Variants in CMSS1 observed in about 807,000 individuals in gnomAD.
The protein encoded by CMSS1 is cms1 ribosomal small subunit homolog.
Under a neutral mutation model 43.5 loss-of-function variants are expected in CMSS1, and 33 were observed. That is an observed-to-expected ratio of 0.76 (90% confidence interval 0.57 to 1.01). The LOEUF (loss-of-function observed/expected upper bound fraction) is 1.01. Among genes scored for constraint, CMSS1 ranks in the 50% least tolerant of loss-of-function variants. The probability of loss-of-function intolerance (pLI) is 0.00; values close to 1 mark genes in which losing one functional copy is unlikely to be tolerated. For synonymous variants in CMSS1, 115 were observed against 117.2 expected (o/e 0.98, Z 0.12); for missense variants, 313 against 326.4 (o/e 0.96, Z 0.32).
rs267599511 is a variant in CMSS1 at position 100,172,391 on chromosome 3, C to T, written c.655C>T (p.Leu219Phe). 1 of 1,613,526 alleles carries T rather than the reference C, an allele frequency of 6.2e-7. No homozygotes were observed. Residue 219 changes from leucine to phenylalanine, a missense_variant, in exon 8 of 10, where the codon CTT becomes TTT. Coordinates refer to ENST00000421999, the MANE Select transcript of CMSS1 (RefSeq NM_032359.4). Reference protein sequence around the residue: ...GVGTPGRIKELVKQGGLNLSP... With the variant: ...GVGTPGRIKEFVKQGGLNLSP... The stretch of plus-strand genomic sequence containing the variant: ...AGGAACTCCGGGGAGAATTAAAGAA[C>T]TTGTTAAACAAGGTATGACAAGAGG...
At chr3:100,035,573 C>T (rs558348766) in intron 1 of CMSS1, among the ~76,000 whole-genome samples, 124 of 152,264 alleles carry the variant, frequency 8.1e-4, no homozygotes, top group Non-Finnish European at 1.6e-3. Flanking sequence ...GAATTATTTA[C>T]TTGAATTTTT....
chr3:99,909,365 T>A (rs1288000952), intron 1 of CMSS1, among the ~76,000 whole-genome samples: 1 of 152,218 alleles, frequency 6.6e-6, no homozygotes, highest in Non-Finnish European at 1.5e-5. Flanking sequence ...ATGTTTCATA[T>A]ATATCCATGT....
intron 7 of CMSS1, 105 bp from the exon 8 acceptor site, chr3:100,172,211 T>G: frequency 9.9e-7 from 1 of 1,006,602 alleles, no homozygotes; most frequent in Non-Finnish European, 1.5e-6. Context: ...GGTAGCTCCA[T>G]TTGTATTTCA....
At chr3:99,961,518 A>T (rs1382417276) in intron 1 of CMSS1, among the ~76,000 whole-genome samples, 1 of 152,172 alleles carries the variant, frequency 6.6e-6, no homozygotes, top group African/African-American at 2.4e-5. Flanking sequence ...TTGCCAGCCC[A>T]TGTGTGAACC....
intron 1 of CMSS1, among the ~76,000 whole-genome samples, chr3:99,984,388 G>A (rs372704447): frequency 7.0e-4 from 106 of 152,310 alleles, no homozygotes; most frequent in Middle Eastern, 6.8e-3. Context: ...GATAGATAAT[G>A]ACAGAGCAGA....
At chr3:100,088,321 A>C in intron 1 of CMSS1, among the ~76,000 whole-genome samples, 1 of 152,320 alleles carries the variant, frequency 6.6e-6, no homozygotes, top group East Asian at 1.9e-4. Flanking sequence ...ATAGGTTTTC[A>C]GTGTAACGCT....
At chr3:99,844,171 G>A (rs958906563) in intron 1 of CMSS1, among the ~76,000 whole-genome samples, 1 of 152,160 alleles carries the variant, frequency 6.6e-6, no homozygotes, top group African/African-American at 2.4e-5. Flanking sequence ...TGCTAGCCCA[G>A]AAAAAGATCA....
intron 1 of CMSS1, among the ~76,000 whole-genome samples, chr3:99,879,873 C>G (rs534165983): frequency 1.3e-5 from 2 of 152,280 alleles, no homozygotes; most frequent in East Asian, 3.9e-4. Context: ...GGAACAGACC[C>G]AGGATTGCAT....
At chr3:100,174,893 G>C (rs2067137129) in intron 8 of CMSS1, among the ~76,000 whole-genome samples, 1 of 152,140 alleles carries the variant, frequency 6.6e-6, no homozygotes, top group African/African-American at 2.4e-5. Context: ...AGTCACTTTA[G>C]AAGCAATCTC....
chr3:100,023,029 T>A (rs148976260), intron 1 of CMSS1, among the ~76,000 whole-genome samples: 1 of 152,244 alleles, frequency 6.6e-6, no homozygotes, highest in East Asian at 1.9e-4. Context: ...CACCTCTCCA[T>A]GAGTTTCAGG....
At chr3:99,867,388 G>A (rs546883974) in intron 1 of CMSS1, among the ~76,000 whole-genome samples, 18 of 152,238 alleles carry the variant, frequency 1.2e-4, no homozygotes, top group African/African-American at 4.3e-4. Flanking sequence ...TTTAAGAGAA[G>A]GCAAACTATC....
chr3:100,098,897 C>A (rs921177837), intron 1 of CMSS1, among the ~76,000 whole-genome samples: 1 of 152,114 alleles, frequency 6.6e-6, no homozygotes, highest in African/African-American at 2.4e-5. Context: ...TGATTCATTG[C>A]CTGGAACTAG....
At position 100,084,368 on chromosome 3, in the gene CMSS1, A is replaced by T. The variant is rs2065974941; in HGVS notation, c.65-62605A>T. 2.0e-5 allele frequency among the ~76,000 whole-genome samples: 3 copies of T among 152,174 alleles called. No individual in the cohort carries two copies. The South Asian group carries it at 6.2e-4, about 32-fold the overall frequency. Reference sequence around the variant, plus strand: ...AATATTTATAAGCTTAGGTCCATCAAACTAGTTAATTTGGACCTAAATATG... The same window carrying T: ...AATATTTATAAGCTTAGGTCCATCATACTAGTTAATTTGGACCTAAATATG... On this transcript the variant is annotated intron_variant, in intron 1 of 9. Coordinates refer to ENST00000421999, the MANE Select transcript of CMSS1 (RefSeq NM_032359.4).
At position 99,909,143 on chromosome 3, in the gene CMSS1, A is replaced by G. The variant is rs150002637; in HGVS notation, c.64+91100A>G. 4.1e-4 allele frequency among the ~76,000 whole-genome samples: 63 copies of G among 152,290 alleles called. 1 individual carries two copies. The East Asian group carries it at 0.011, about 27-fold the overall frequency. On this transcript the variant is annotated intron_variant, in intron 1 of 9. Transcript: ENST00000421999. The stretch of plus-strand genomic sequence containing the variant: ...ACAAGTAGATGGCTAAAGTGTCATA[A>G]TTTAGGAGCTTCAAGTTGAGGCTAT...
chr3:99,998,246 A>G (rs1709739212), intron 1 of CMSS1, among the ~76,000 whole-genome samples: 1 of 152,198 alleles, frequency 6.6e-6, no homozygotes, highest in African/African-American at 2.4e-5. Flanking sequence ...GCTATTTGTA[A>G]AGGATAAATC....
At chr3:100,072,762 T>A (rs575699773) in intron 1 of CMSS1, among the ~76,000 whole-genome samples, 148 of 152,328 alleles carry the variant, frequency 9.7e-4, no homozygotes, top group Non-Finnish European at 1.7e-3. Context: ...AATGTATAGT[T>A]ATTTAATTGG....
intron 2 of CMSS1, among the ~76,000 whole-genome samples, chr3:100,148,279 A>G (rs765659354): frequency 5.9e-5 from 9 of 151,950 alleles, no homozygotes; most frequent in Non-Finnish European, 1.2e-4. Context: ...AGATCTCACT[A>G]TGTTAGCCAG....
chr3:100,070,565 T>G (rs937730433), intron 1 of CMSS1, among the ~76,000 whole-genome samples: 9 of 152,236 alleles, frequency 5.9e-5, no homozygotes, highest in Admixed American at 3.9e-4. Flanking sequence ...AATAAGATAC[T>G]GCCCATCCCC....
chr3:100,172,071 C>T, intron 7 of CMSS1, 172 bp downstream of exon 7: 1 of 641,034 alleles, frequency 1.6e-6, no homozygotes, highest in Non-Finnish European at 2.7e-6. Flanking sequence ...CCTACCTCCC[C>T]AGTATGGCAG....
Sources: allele counts gnomAD v4.1 joint callset (sites outside exome capture counted in the v4.1 genomes callset), GRCh38; gene constraint gnomAD v4.1.1; transcripts MANE v1.5; gene names NCBI Gene and HGNC (gene_info 2026-07-23, HGNC 2026-07-21).